SPRY3: variants seen among roughly 807,000 people sequenced by gnomAD.
The protein encoded by SPRY3 is protein sprouty homolog 3.
In SPRY3, 15 loss-of-function variants were observed where a neutral mutation model predicts 20.2. The observed-to-expected ratio is 0.74, with a 90% confidence interval of 0.50 to 1.14. The LOEUF (loss-of-function observed/expected upper bound fraction) is 1.14. SPRY3 is among the 50% of genes most tolerant of loss of function. The pLI is 0.00. For missense variants in SPRY3, 364 were observed against 363.9 expected (o/e 1.00, Z 0.00); for synonymous variants, 143 against 136.5 (o/e 1.05, Z -0.33).
At chrX:155,686,959 C>T (rs948090581) in intron 2 of SPRY3, among the ~76,000 whole-genome samples, 2 of 112,648 alleles carry the variant, frequency 1.8e-5, no homozygotes, top group African/African-American at 6.4e-5. Flanking sequence ...CTCCTTGAGC[C>T]AGGCTTCTGA....
In SPRY3 at chrX:155,694,765, C is replaced by T. The variant is rs762768494; in HGVS notation, c.-282+37740C>T. ...GTGCACAACCTAGATCCCTCACATG[C>T]GCAGTTCACAAAAGAGTTCACGCTT... On this transcript the variant is annotated intron_variant, in intron 2 of 3. Transcript: ENST00000675360. Among the ~76,000 whole-genome samples the T allele has an allele frequency of 4.5e-5, 5 of 111,273 alleles. No individual in the cohort carries two copies. The South Asian group carries it at 1.5e-3, about 34-fold the overall frequency.
chrX:155,661,020 T>C (rs781905598), intron 2 of SPRY3, among the ~76,000 whole-genome samples: 1 of 111,883 alleles, frequency 8.9e-6, no homozygotes, highest in African/African-American at 3.2e-5. Flanking sequence ...TTATTCCATT[T>C]GCTTTCAAGA....
chrX:155,647,067 C>T (rs1557351945), intron 1 of SPRY3, among the ~76,000 whole-genome samples: 1 of 111,169 alleles, frequency 9.0e-6, no homozygotes, highest in African/African-American at 3.3e-5. Flanking sequence ...TTTTTTAATC[C>T]TTCATGCTGT....
intron 1 of SPRY3, among the ~76,000 whole-genome samples, chrX:155,615,235 G>A (rs2067847416): frequency 8.9e-6 from 1 of 112,771 alleles, no homozygotes; most frequent in Non-Finnish European, 1.9e-5. Context: ...TGCCCTGTGG[G>A]CAATAATTTT....
intron 2 of SPRY3, among the ~76,000 whole-genome samples, chrX:155,751,862 A>G (rs1340575974): frequency 6.6e-6 from 1 of 151,256 alleles, no homozygotes; most frequent in Non-Finnish European, 1.5e-5. Context: ...ACATATAGAT[A>G]TTTATGAGAA....
At chrX:155,651,467 C>A (rs2067977359) in intron 1 of SPRY3, among the ~76,000 whole-genome samples, 1 of 111,515 alleles carries the variant, frequency 9.0e-6, no homozygotes, top group African/African-American at 3.3e-5. Flanking sequence ...CTTTTCATGG[C>A]CTTATTTGCA....
intron 1 of SPRY3, among the ~76,000 whole-genome samples, chrX:155,652,690 G>T (rs960608529): frequency 7.1e-5 from 8 of 112,033 alleles, no homozygotes; most frequent in Non-Finnish European, 1.5e-4. Flanking sequence ...ATGAACATTT[G>T]TGAGCATATT....
exon 2 of SPRY3, chrX:155,781,907 A>G (rs1035761756): frequency 2.4e-4 from 40 of 166,992 alleles, no homozygotes; most frequent in African/African-American, 9.4e-4. Flanking sequence ...GTGACAATCA[A>G]AATTAGCAGT....
chrX:155,620,219 AAGTTAAACACACTTTATAAGATTCTT>A (rs1452247614), intron 1 of SPRY3, among the ~76,000 whole-genome samples: 35 of 111,657 alleles, frequency 3.1e-4, no homozygotes, highest in East Asian at 1.4e-3. Context: ...GATTCTTATA[AAGTTAAACACACTTTATAAGATTCTT>A]AGTTAAACAC....
intron 2 of SPRY3, among the ~76,000 whole-genome samples, chrX:155,740,467 C>G (rs934098136): frequency 6.6e-6 from 1 of 151,940 alleles, no homozygotes; most frequent in Non-Finnish European, 1.5e-5. Flanking sequence ...TAATTAAGAC[C>G]CTGGGAAAGG....
intron 1 of SPRY3, among the ~76,000 whole-genome samples, chrX:155,650,567 G>A (rs986782172): frequency 1.2e-4 from 13 of 111,868 alleles, no homozygotes; most frequent in East Asian, 2.8e-4. Context: ...TGGATGCAGC[G>A]TTCTATATAT....
Position 155,706,938 on chromosome X carries a change from T to C in SPRY3, c.-282+49913T>C, listed in dbSNP as rs1043611502. Among the ~76,000 whole-genome samples, 10 of 151,276 alleles carry C rather than the reference T, an allele frequency of 6.6e-5. No homozygotes were observed. The South Asian group carries it at 8.3e-4, about 13-fold the overall frequency. On this transcript the variant is annotated intron_variant, in intron 2 of 3. Coordinates refer to ENST00000675360, the Ensembl canonical transcript of SPRY3. Reference sequence around the variant, plus strand: ...ATGATCTTTTAAAAGAAACAATTTATGGTTTAAATGATTTTCTTCTACTTC... The same window carrying C: ...ATGATCTTTTAAAAGAAACAATTTACGGTTTAAATGATTTTCTTCTACTTC...
chrX:155,749,818 T>C (rs758307240), intron 2 of SPRY3, among the ~76,000 whole-genome samples: 1 of 151,838 alleles, frequency 6.6e-6, no homozygotes, highest in African/African-American at 2.4e-5. Context: ...GAGCTGAAGT[T>C]TTGGACATGT....
At chrX:155,680,607 C>T (rs1315026621) in intron 2 of SPRY3, among the ~76,000 whole-genome samples, 4 of 111,170 alleles carry the variant, frequency 3.6e-5, no homozygotes, top group African/African-American at 1.3e-4. Context: ...TCAATTTGAA[C>T]ACTGAGTTTC....
At chrX:155,730,178 AC>A (rs2091123989) in intron 2 of SPRY3, among the ~76,000 whole-genome samples, 2 of 152,244 alleles carry the variant, frequency 1.3e-5, no homozygotes, top group South Asian at 4.1e-4. Context: ...ATAATTCCAG[AC>A]TCATTCTATG....
chrX:155,750,696 A>T (rs1569395291), intron 2 of SPRY3, among the ~76,000 whole-genome samples: 1 of 151,866 alleles, frequency 6.6e-6, no homozygotes, highest in Non-Finnish European at 1.5e-5. Context: ...GTTAAGAGTG[A>T]GAATGGAGTA....
chrX:155,708,919 T>C (rs1348911068), intron 2 of SPRY3, among the ~76,000 whole-genome samples: 1 of 151,440 alleles, frequency 6.6e-6, no homozygotes, highest in Admixed American at 6.6e-5. Flanking sequence ...GAGGCTCTGG[T>C]ATCCATTCTT....
intron 2 of SPRY3, among the ~76,000 whole-genome samples, chrX:155,751,845 G>T (rs2091263412): frequency 6.6e-6 from 1 of 150,922 alleles, no homozygotes; most frequent in African/African-American, 2.4e-5. Context: ...TATGAAAAAA[G>T]TAAGAGACAT....
At chrX:155,712,103 T>C (rs2090991082) in intron 2 of SPRY3, among the ~76,000 whole-genome samples, 1 of 151,934 alleles carries the variant, frequency 6.6e-6, no homozygotes, top group Non-Finnish European at 1.5e-5. Flanking sequence ...TTTGTTTTGT[T>C]ACCTAACATA....
Sources: allele counts gnomAD v4.1 joint callset (sites outside exome capture counted in the v4.1 genomes callset), GRCh38; gene constraint gnomAD v4.1.1; transcripts MANE v1.5; gene names NCBI Gene and HGNC (gene_info 2026-07-23, HGNC 2026-07-21).